THSD7B: variants seen among roughly 807,000 people sequenced by gnomAD.
The protein encoded by THSD7B is thrombospondin type 1 domain containing 7B, also known as thrombospondin type-1 domain-containing protein 7B.
In THSD7B, 138 loss-of-function variants were observed where a neutral mutation model predicts 213.6. That is an observed-to-expected ratio of 0.65 (90% CI 0.56 to 0.74). The LOEUF is 0.74. Among genes scored for constraint, THSD7B ranks in the 30% least tolerant of loss-of-function variants. The probability of loss-of-function intolerance (pLI) is 0.00; values close to 1 mark genes in which losing one functional copy is unlikely to be tolerated. For synonymous variants in THSD7B, 742 were observed against 687.0 expected (o/e 1.08, Z -1.25); for missense variants, 1,931 against 1,991.5 (o/e 0.97, Z 0.58).
At chr2:137,070,464 G>A (rs11889431) in intron 3 of THSD7B, among the ~76,000 whole-genome samples, 68,867 of 151,658 alleles carry the variant, frequency 0.45, 19,972 homozygotes, top group African/African-American at 0.81. Context: ...TTCAGGATAA[G>A]TTCATAGAAA....
At chr2:137,165,559 A>C (rs1252054807) in intron 6 of THSD7B, among the ~76,000 whole-genome samples, 1 of 152,104 alleles carries the variant, frequency 6.6e-6, no homozygotes, top group Admixed American at 6.5e-5. Context: ...TGCCAGGATC[A>C]CTGAGTGGTA....
At chr2:136,919,996 A>G (rs1287806603) in intron 2 of THSD7B, among the ~76,000 whole-genome samples, 2 of 152,224 alleles carry the variant, frequency 1.3e-5, no homozygotes, top group Non-Finnish European at 2.9e-5. Context: ...CAGAGCCCCA[A>G]AGAGGATGTC....
chr2:137,451,062 C>T, intron 15 of THSD7B, 39 bp downstream of exon 15: 1 of 1,471,596 alleles, frequency 6.8e-7, no homozygotes, highest in African/African-American at 1.4e-5. Flanking sequence ...GCTAAAAAAG[C>T]TATCCTCATT....
chr2:137,122,417 A>T lies in THSD7B; in HGVS notation c.1369+7124A>T, dbSNP rs57851714. Among the ~76,000 whole-genome samples, 8 of 152,278 alleles carry T rather than the reference A, an allele frequency of 5.3e-5. No individual in the cohort carries two copies. In the East Asian group the frequency reaches 1.5e-3, roughly 29 times the overall value. ...TTTACCTGGGCCTTAAAGGAAGTTC[A>T]TGGTTTAAACAGGTGTTCATATGAA... On this transcript the variant is annotated intron_variant, in intron 5 of 27. Coordinates refer to ENST00000409968, the MANE Select transcript of THSD7B (RefSeq NM_001316349.2).
rs775976793 is a variant in THSD7B at position 137,056,792 on chromosome 2, C to T, written c.512C>T (p.Ala171Val). 1 of 1,613,968 alleles carries T rather than the reference C, an allele frequency of 6.2e-7. No individual in the cohort carries two copies. Among genetic ancestry groups the T allele is most frequent in the African/African-American group, 1.3e-5 (1 of 75,050 alleles). Residue 171 changes from alanine (A) to valine (V), a missense_variant, in exon 3 of 28, where the codon GCT becomes GTT. By Grantham distance (64) the Ala-to-Val change is moderately conservative. Coordinates refer to ENST00000409968, the MANE Select transcript of THSD7B (RefSeq NM_001316349.2). Reference protein sequence around the residue: ...HFALQPPTEQACLIPCPRDCV... With the variant: ...HFALQPPTEQVCLIPCPRDCV... ...GCCCTTCAGCCTCCTACAGAACAGG[C>T]TTGCCTCATTCCTTGTCCCCGGGAT...
At chr2:137,190,050 C>T (rs1449579320) in intron 7 of THSD7B, among the ~76,000 whole-genome samples, 1 of 152,132 alleles carries the variant, frequency 6.6e-6, no homozygotes, top group Non-Finnish European at 1.5e-5. Context: ...GAAAGCCAGT[C>T]CAGGTTGCCA....
intron 4 of THSD7B, among the ~76,000 whole-genome samples, chr2:137,107,546 A>AAAGTAGAGGACCAG (rs1182407152): frequency 1.3e-5 from 2 of 152,304 alleles, no homozygotes; most frequent in East Asian, 3.9e-4. Context: ...ACTAATAACA[A>AAAGTAGAGGACCAG]AAGTAGAGGA....
intron 12 of THSD7B, among the ~76,000 whole-genome samples, chr2:137,318,005 A>G (rs1049818703): frequency 1.3e-5 from 2 of 152,148 alleles, no homozygotes; most frequent in African/African-American, 4.8e-5. Context: ...ATTACTCCAT[A>G]TTAGTTACAT....
chr2:137,625,451 G>A (rs982021309), intron 20 of THSD7B, among the ~76,000 whole-genome samples: 75 of 150,172 alleles, frequency 5.0e-4, no homozygotes, highest in African/African-American at 1.8e-3. Context: ...TTGTGCACAT[G>A]TGCCCTAGAA....
chr2:137,655,365 A>G (rs1214062615), intron 21 of THSD7B, 136 bp from the exon 22 acceptor site: 1 of 919,664 alleles, frequency 1.1e-6, no homozygotes, highest in East Asian at 2.7e-5. Context: ...ATTGTCAACA[A>G]TTGAGAGATA....
At chr2:137,466,100 G>T (rs768907290) in intron 15 of THSD7B, among the ~76,000 whole-genome samples, 4 of 152,118 alleles carry the variant, frequency 2.6e-5, no homozygotes, top group African/African-American at 4.8e-5. Flanking sequence ...TGGGTAAAAT[G>T]ATATAAGTTT....
chr2:137,004,754 G>A (rs548027606), intron 2 of THSD7B, among the ~76,000 whole-genome samples: 25 of 152,104 alleles, frequency 1.6e-4, no homozygotes, highest in South Asian at 6.2e-4. Flanking sequence ...AAAATATCTC[G>A]TTTCCATATG....
At chr2:137,383,306 C>T (rs59013169) in intron 12 of THSD7B, among the ~76,000 whole-genome samples, 17,879 of 151,814 alleles carry the variant, frequency 0.12, 1,121 homozygotes, top group South Asian at 0.17. Flanking sequence ...GGTGGTTGCA[C>T]GCCATAACCT....
intron 2 of THSD7B, among the ~76,000 whole-genome samples, chr2:136,985,909 A>G (rs1346718600): frequency 2.6e-5 from 4 of 152,250 alleles, no homozygotes; most frequent in Non-Finnish European, 4.4e-5. Flanking sequence ...CGTGCCCTGG[A>G]TGTGGTACAT....
At chr2:137,107,480 C>A (rs568035864) in intron 4 of THSD7B, among the ~76,000 whole-genome samples, 12 of 152,218 alleles carry the variant, frequency 7.9e-5, no homozygotes, top group Non-Finnish European at 1.2e-4. Context: ...GCACGTGTAT[C>A]CCTATGTAAC....
chr2:136,964,277 G>A (rs1239027578), intron 2 of THSD7B, among the ~76,000 whole-genome samples: 1 of 151,970 alleles, frequency 6.6e-6, no homozygotes, highest in African/African-American at 2.4e-5. Flanking sequence ...TAGGAAATAG[G>A]CCTGAGGATT....
At position 137,282,928 on chromosome 2, in the gene THSD7B, T is replaced by C. The variant is rs973592631; in HGVS notation, c.2500+6902T>C. ...CAAATGAACTTTAAAGTAGTTTTTT[T>C]CAATTCTGTGAAGAAAGTCATTGGT... On this transcript the variant is annotated intron_variant, in intron 12 of 27. Transcript: ENST00000409968. Among the ~76,000 whole-genome samples, 27 of 152,102 alleles carry C rather than the reference T, an allele frequency of 1.8e-4. 1 individual carries two copies. The highest frequency in any genetic ancestry group is 5.5e-4 in the African/African-American group (23 of 41,514).
chr2:136,786,091 AAC>A (rs1681842154), intron 1 of THSD7B, among the ~76,000 whole-genome samples: 1 of 152,284 alleles, frequency 6.6e-6, no homozygotes, highest in Non-Finnish European at 1.5e-5. Flanking sequence ...AACCCCTTAA[AAC>A]ACAGTCTTGT....
chr2:136,943,083 G>T (rs1040219948), intron 2 of THSD7B, among the ~76,000 whole-genome samples: 46 of 152,148 alleles, frequency 3.0e-4, no homozygotes, highest in African/African-American at 1.1e-3. Flanking sequence ...TTTGTCAAAG[G>T]CCTTTTCTGC....
Sources: gnomAD v4.1 joint callset for allele counts (sites outside exome capture counted in the v4.1 genomes callset) on GRCh38, gnomAD v4.1.1 for gene constraint, MANE v1.5 for transcripts, NCBI Gene and HGNC (gene_info 2026-07-23, HGNC 2026-07-21) for gene names.